The following CCSER1 variants were observed in gnomAD, a reference collection of about 807,000 sequenced individuals.
CCSER1 encodes serine-rich coiled-coil domain-containing protein 1.
CCSER1 carries 41 observed loss-of-function variants against 82.0 expected under a neutral mutation model. The observed-to-expected ratio is 0.50, with a 90% CI of 0.39 to 0.65. The LOEUF (loss-of-function observed/expected upper bound fraction) is 0.65, where lower values mean the gene tolerates loss of function less well. Ranked by LOEUF, CCSER1 falls within the 30% of genes least tolerant of loss-of-function variation. The pLI, the probability that CCSER1 is intolerant of heterozygous loss-of-function variation, is 0.00. For missense variants in CCSER1, 1,119 were observed against 1,064.2 expected, an observed-to-expected ratio of 1.05 and a Z score of -0.72; for synonymous variants, 414 against 383.9, an observed-to-expected ratio of 1.08 and a Z score of -0.92.
At chr4:90,259,703 C>T (rs560931925) in intron 1 of CCSER1, among the ~76,000 whole-genome samples, 13 of 152,204 alleles carry the variant, frequency 8.5e-5, no homozygotes, top group African/African-American at 3.1e-4. Flanking sequence ...TTTCCCTTAT[C>T]TATTGAGATG....
chr4:90,258,389 G>A (rs573221162), intron 1 of CCSER1, among the ~76,000 whole-genome samples: 1 of 152,144 alleles, frequency 6.6e-6, no homozygotes, highest in Non-Finnish European at 1.5e-5. Flanking sequence ...GTGCACGCCT[G>A]TAATCCCAGC....
At chr4:90,545,562 C>A (rs1468326364) in intron 5 of CCSER1, among the ~76,000 whole-genome samples, 1 of 152,082 alleles carries the variant, frequency 6.6e-6, no homozygotes, top group Non-Finnish European at 1.5e-5. Context: ...AATCCTCCTG[C>A]CTTCAATCAT....
chr4:90,300,411 A>T (rs1168920532), intron 1 of CCSER1, among the ~76,000 whole-genome samples: 2 of 152,108 alleles, frequency 1.3e-5, no homozygotes, highest in Non-Finnish European at 2.9e-5. Flanking sequence ...TGTCTTTGTG[A>T]TGTAGTATCT....
At position 91,575,174 on chromosome 4, in the gene CCSER1, A is replaced by C. The variant is rs566092424; in HGVS notation, c.2218-23398A>C. On this transcript the variant is annotated intron_variant, in intron 10 of 10. Coordinates refer to ENST00000509176, the MANE Select transcript of CCSER1 (RefSeq NM_001145065.2). ...ACTGAATATCCATGTGCAAGTAAAA[A>C]GTGAAATGAGATCCATATCCATACC... Among the ~76,000 whole-genome samples, 16 of 152,170 alleles carry C rather than the reference A, an allele frequency of 1.1e-4. 1 individual carries two copies. The South Asian group carries it at 3.3e-3, about 32-fold the overall frequency.
At chr4:90,609,376 T>A (rs1785156164) in intron 5 of CCSER1, among the ~76,000 whole-genome samples, 1 of 152,160 alleles carries the variant, frequency 6.6e-6, no homozygotes, top group South Asian at 2.1e-4. Flanking sequence ...TCAGTTGTAT[T>A]CATATTTAAA....
chr4:90,170,586 T>C (rs1731470145), intron 1 of CCSER1, among the ~76,000 whole-genome samples: 1 of 151,904 alleles, frequency 6.6e-6, no homozygotes, highest in African/African-American at 2.4e-5. Context: ...AGTTCATTTT[T>C]TTTTAGCACC....
intron 10 of CCSER1, among the ~76,000 whole-genome samples, chr4:91,284,926 C>A (rs1025238596): frequency 6.6e-6 from 1 of 151,936 alleles, no homozygotes; most frequent in African/African-American, 2.4e-5. Context: ...GATAAAGCTG[C>A]CCCAACAATG....
intron 10 of CCSER1, among the ~76,000 whole-genome samples, chr4:91,540,462 C>T (rs1761528786): frequency 1.3e-5 from 2 of 152,062 alleles, no homozygotes; most frequent in Non-Finnish European, 2.9e-5. Flanking sequence ...AAAAACAGCC[C>T]TTTATCAGAT....
intron 9 of CCSER1, among the ~76,000 whole-genome samples, chr4:90,954,690 A>C (rs1221854174): frequency 1.3e-5 from 2 of 152,174 alleles, no homozygotes; most frequent in East Asian, 1.9e-4. Context: ...ATCTCTGTGA[A>C]TATTTCTCTA....
At chr4:90,374,490 C>A (rs1336757020) in intron 3 of CCSER1, among the ~76,000 whole-genome samples, 3 of 152,142 alleles carry the variant, frequency 2.0e-5, no homozygotes, top group Non-Finnish European at 4.4e-5. Context: ...CTAAAATAAT[C>A]TTGTGAGTGA....
At chr4:91,553,845 T>TA (rs1433393077) in intron 10 of CCSER1, among the ~76,000 whole-genome samples, 2 of 150,832 alleles carry the variant, frequency 1.3e-5, no homozygotes, top group Non-Finnish European at 3.0e-5. Context: ...GTTTATCAAT[T>TA]TTTTAAAAAA....
At chr4:90,902,574 G>A (rs181859848) in intron 8 of CCSER1, among the ~76,000 whole-genome samples, 12 of 152,044 alleles carry the variant, frequency 7.9e-5, no homozygotes, top group African/African-American at 2.9e-4. Context: ...CTCTGTTTGG[G>A]TTCCTTATTT....
intron 10 of CCSER1, among the ~76,000 whole-genome samples, chr4:91,091,453 T>A (rs557470695): frequency 1.1e-4 from 17 of 152,360 alleles, no homozygotes; most frequent in African/African-American, 4.1e-4. Flanking sequence ...CGTGTTGTCC[T>A]ACCTCAGTGA....
chr4:90,780,124 T>G (rs556155011), intron 7 of CCSER1, among the ~76,000 whole-genome samples: 3 of 152,190 alleles, frequency 2.0e-5, no homozygotes, highest in African/African-American at 7.2e-5. Context: ...CTCACTGATA[T>G]AGATGCCCTC....
chr4:90,534,441 T>TTG (rs376987549), intron 5 of CCSER1, among the ~76,000 whole-genome samples: 19,622 of 136,278 alleles, frequency 0.14, 1,407 homozygotes, highest in Non-Finnish European at 0.17. Flanking sequence ...TGCCAGCCTT[T>TTG]TGTGTGTGTG....
intron 9 of CCSER1, among the ~76,000 whole-genome samples, chr4:91,050,447 C>T (rs920737504): frequency 7.0e-6 from 1 of 142,892 alleles, no homozygotes; most frequent in African/African-American, 2.6e-5. Flanking sequence ...AAAAAAAATG[C>T]ATAGACTAAA....
chr4:91,153,800 C>T (rs1161111088), intron 10 of CCSER1, among the ~76,000 whole-genome samples: 1 of 151,938 alleles, frequency 6.6e-6, no homozygotes, highest in Non-Finnish European at 1.5e-5. Context: ...GCCTGGGTAT[C>T]ACCAGCGGAG....
At chr4:90,173,596 T>G (rs1350988050) in intron 1 of CCSER1, among the ~76,000 whole-genome samples, 1 of 151,958 alleles carries the variant, frequency 6.6e-6, no homozygotes, top group Non-Finnish European at 1.5e-5. Context: ...GAGCATTACT[T>G]TCCTGTAATA....
At chr4:90,439,799 G>A (rs1759585886) in intron 4 of CCSER1, among the ~76,000 whole-genome samples, 1 of 152,136 alleles carries the variant, frequency 6.6e-6, no homozygotes, top group South Asian at 2.1e-4. Flanking sequence ...TTTGGGGATA[G>A]CCTCCAAAAC....
Sources: gnomAD v4.1 joint callset for allele counts (sites outside exome capture counted in the v4.1 genomes callset) on GRCh38, gnomAD v4.1.1 for gene constraint, MANE v1.5 for transcripts, NCBI Gene and HGNC (gene_info 2026-07-23, HGNC 2026-07-21) for gene names.